Variants in ITGAL observed in about 807,000 individuals in gnomAD.
The protein encoded by ITGAL is integrin alpha-L.
A neutral mutation model predicts 138.4 loss-of-function variants in ITGAL; 68 were observed. The ratio of observed to expected loss-of-function variants is 0.49; its 90% CI spans 0.40 to 0.60. The LOEUF is 0.60. Among genes scored for constraint, ITGAL ranks in the 20% least tolerant of loss-of-function variants. ITGAL has a pLI of 0.00. For synonymous variants in ITGAL, 561 were observed against 584.3 expected, an observed-to-expected ratio of 0.96 and a Z score of 0.57; for missense variants, 1,256 against 1,478.6, an observed-to-expected ratio of 0.85 and a Z score of 2.47.
intron 5 of ITGAL, 26 bp from the exon 6 acceptor site, chr16:30,479,305 G>A (rs960108963): frequency 6.2e-7 from 1 of 1,613,560 alleles, no homozygotes; most frequent in Non-Finnish European, 8.5e-7. Flanking sequence ...ATGCTTCACT[G>A]GGTCCCTTGC....
Position 30,494,729 on chromosome 16 carries a change from G to T in ITGAL, c.1382G>T (p.Gly461Val). The T allele has an allele frequency of 6.2e-7, 1 of 1,610,702 alleles. No homozygotes were observed. Among genetic ancestry groups the T allele is most frequent in the Non-Finnish European group, 8.5e-7 (1 of 1,178,424 alleles). ...IHGTQIGSYF[G>V]GELCGVDVDQ... ...TCCCCACAGATTGGCTCTTATTTCG[G>T]TGGGGAGCTGTGTGGCGTCGACGTG... The change falls in exon 13 of 31, where the codon GGT becomes GTT. Residue 461 changes from glycine to valine, a missense_variant. Gly to Val is a moderately radical substitution (Grantham distance 109). Coordinates refer to ENST00000356798, the MANE Select transcript of ITGAL (RefSeq NM_002209.3). This position sits in a 1 kb window ranked among gnomAD's most constrained non-coding sequence, Gnocchi z 4.2.
intron 17 of ITGAL, among the ~76,000 whole-genome samples, chr16:30,500,221 G>T (rs2151162128): frequency 6.6e-6 from 1 of 151,534 alleles, no homozygotes; most frequent in African/African-American, 2.4e-5. Flanking sequence ...GAGTAGCTGG[G>T]ATTACAGGTG....
rs774082465 is a variant in ITGAL, at chr16:30,496,142, C to T, written c.1549C>T (p.Pro517Ser). The T allele has an allele frequency of 8.1e-6, 13 of 1,614,026 alleles. No homozygotes were observed. Among genetic ancestry groups the T allele is most frequent in the South Asian group, 1.1e-5 (1 of 91,078 alleles). Residue 517 changes from proline to serine, a missense_variant, in exon 14 of 31, where the codon CCA (proline) becomes TCA (serine). Physicochemically the swap from Pro to Ser is moderately conservative, Grantham distance 74. Coordinates refer to ENST00000356798, the MANE Select transcript of ITGAL (RefSeq NM_002209.3). ...VSELQGDPGY[P>S]LGRFGEAITA... Reference sequence around the variant, plus strand: ...AGAGCTGCAGGGGGACCCCGGCTACCCACTCGGGCGGTTTGGAGAAGCCAT... The same window carrying T: ...AGAGCTGCAGGGGGACCCCGGCTACTCACTCGGGCGGTTTGGAGAAGCCAT...
chr16:30,515,731 G>A (rs1192175224), intron 25 of ITGAL, among the ~76,000 whole-genome samples: 1 of 152,074 alleles, frequency 6.6e-6, no homozygotes, highest in Non-Finnish European at 1.5e-5. Flanking sequence ...CAGCACTTTG[G>A]GAGGCCCAGG....
At chr16:30,479,648 C>CTTTTT (rs59770529) in intron 6 of ITGAL, among the ~76,000 whole-genome samples, 187 bp downstream of exon 6, 40 of 72,862 alleles carry the variant, frequency 5.5e-4, no homozygotes, top group African/African-American at 1.7e-3. Context: ...TTCTCATTTC[C>CTTTTT]TTTTTTTTTT....
intron 17 of ITGAL, among the ~76,000 whole-genome samples, chr16:30,501,419 T>C (rs893051843): frequency 1.3e-5 from 2 of 151,364 alleles, no homozygotes; most frequent in Non-Finnish European, 2.9e-5. Flanking sequence ...CTACTAAAAA[T>C]GTACAAAATT....
chr16:30,483,975 C>T lies in ITGAL; in HGVS notation c.855+16C>T. The T allele has an allele frequency of 6.2e-7, 1 of 1,606,660 alleles. No homozygotes were observed. The highest frequency in any genetic ancestry group is 8.5e-7 in the Non-Finnish European group (1 of 1,173,964). On this transcript the variant is annotated intron_variant, in intron 8 of 30. Coordinates refer to ENST00000356798, the MANE Select transcript of ITGAL (RefSeq NM_002209.3). ...CATCATCGGGGTAGGGCCCCTGCTG[C>T]TTCCTGCATCATATCTTCCCTCTCC...
Position 30,518,657 on chromosome 16 carries a change from T to A in ITGAL, c.3166T>A (p.Ser1056Thr). 6.2e-7 allele frequency: 1 copy of A among 1,613,968 alleles called. No individual in the cohort carries two copies. Among genetic ancestry groups the A allele is most frequent in the South Asian group, 1.1e-5 (1 of 91,074 alleles). The stretch of plus-strand genomic sequence containing the variant: ...CATGTTCAGCCTCTGCAGCTCCCTC[T>A]CCATCTCCTTCAACAGCAGCAAGCA... ...SSMFSLCSSL[S>T]ISFNSSKHFH... Residue 1056 changes from serine to threonine, a missense_variant, in exon 29 of 31, where the codon TCC becomes ACC. Ser to Thr is a moderately conservative substitution (Grantham distance 58, BLOSUM62 1). This residue lies in a region of ITGAL where 867 missense variants were observed against 972.5 expected (regional missense o/e 0.89). Transcript: ENST00000356798.
In ITGAL at chr16:30,494,591, T is replaced by C. The variant is rs2050773842; in HGVS notation, c.1366-122T>C. 19 of 1,273,226 alleles carry C rather than the reference T, an allele frequency of 1.5e-5. No homozygotes were observed. The highest frequency in any genetic ancestry group is 2.8e-5 in the Admixed American group (1 of 36,142). The allele number at this position is 1,273,226 out of a possible 1,614,324, so 78.9% of individuals were successfully genotyped here. A position where few individuals can be genotyped will look rare whatever the true frequency, so the allele number is the denominator to read the frequency against. ...TGTCTTAACGCACATAGACTAGGGG[T>C]GGATCCAAGATTGGAACCTGCATTT... On this transcript the variant is annotated intron_variant, in intron 12 of 30. Coordinates refer to ENST00000356798, the MANE Select transcript of ITGAL (RefSeq NM_002209.3). This position sits in a 1 kb window ranked among gnomAD's most constrained non-coding sequence, Gnocchi z 4.2.
At chr16:30,511,187 C>A in intron 24 of ITGAL, 51 bp downstream of exon 24, 2 of 1,410,822 alleles carry the variant, frequency 1.4e-6, no homozygotes, top group Non-Finnish European at 2.0e-6. Flanking sequence ...CGCAGCCTCC[C>A]AACCCAGGGC....
rs1025061738 is a variant in ITGAL at position 30,510,414 on chromosome 16, T to C, written c.2562T>C (p.Leu854=). 6 of 1,613,590 alleles carry C rather than the reference T, an allele frequency of 3.7e-6. No homozygotes were observed. The change falls in exon 22 of 31, where the codon CTT becomes CTC. Residue 854 remains leucine (L), a synonymous_variant. Coordinates refer to ENST00000356798, the MANE Select transcript of ITGAL (RefSeq NM_002209.3). ...SCEELPEESR[L]LSRALSCNVS... ...AGGAGCTTCCTGAAGAGTCCAGGCT[T>C]CTGTCCAGGGCATTATCTTGCAATG...
intron 30 of ITGAL, 78 bp from the exon 31 acceptor site, chr16:30,521,414 A>T: frequency 2.2e-6 from 3 of 1,388,982 alleles, no homozygotes; most frequent in Non-Finnish European, 3.0e-6. Flanking sequence ...CTCAAAAAAA[A>T]AAAAAGTGTT....
Position 30,479,193 on chromosome 16 carries a change from C to G in ITGAL, c.430C>G (p.Arg144Gly), listed in dbSNP as rs146416180. 1 of 1,613,940 alleles carries G rather than the reference C, an allele frequency of 6.2e-7. No individual in the cohort carries two copies. Among genetic ancestry groups the G allele is most frequent in the Non-Finnish European group, 8.5e-7 (1 of 1,179,934 alleles). The change falls in exon 5 of 31, where the codon CGC becomes GGC. Residue 144 changes from arginine to glycine, a missense_variant. This residue lies in a region of ITGAL where 212 missense variants were observed against 217.4 expected (regional missense o/e 0.98). Coordinates refer to ENST00000356798, the MANE Select transcript of ITGAL (RefSeq NM_002209.3). ...QNLQGPMLQG[R>G]PGFQECIKGN... Reference sequence around the variant, plus strand: ...TCTGCAGGGTCCCATGCTGCAGGGGCGCCCTGGTTTTCAGGGTAAGGAACT... The same window carrying G: ...TCTGCAGGGTCCCATGCTGCAGGGGGGCCCTGGTTTTCAGGGTAAGGAACT...
chr16:30,499,274 C>T, intron 16 of ITGAL, 40 bp downstream of exon 16: 1 of 1,612,986 alleles, frequency 6.2e-7, no homozygotes, highest in South Asian at 1.1e-5. Context: ...GCTGCCGCCC[C>T]AAATCCAGGC....
chr16:30,512,493 A>G (rs2051104268), intron 24 of ITGAL, among the ~76,000 whole-genome samples: 1 of 151,268 alleles, frequency 6.6e-6, no homozygotes, highest in Non-Finnish European at 1.5e-5. Flanking sequence ...AGGCTGAGGC[A>G]GGACAATTGC....
In ITGAL at chr16:30,499,135, C is replaced by T. The variant is rs1265127306; in HGVS notation, c.1894C>T (p.His632Tyr). 1 of 1,614,024 alleles carries T rather than the reference C, an allele frequency of 6.2e-7. No homozygotes were observed. Among genetic ancestry groups the T allele is most frequent in the Admixed American group, 1.7e-5 (1 of 59,978 alleles). ...MSFSPAEIPV[H>Y]EVECSYSTSN... ...CTTCTCTCCAGCTGAGATCCCAGTG[C>T]ATGAAGTGGAGTGCTCCTATTCAAC... Residue 632 changes from histidine to tyrosine, a missense_variant, in exon 16 of 31, where the codon CAT (histidine) becomes TAT (tyrosine). Physicochemically the swap from His to Tyr is moderately conservative, Grantham distance 83. Transcript: ENST00000356798.
chr16:30,479,118 T>G lies in ITGAL; in HGVS notation c.355T>G (p.Cys119Gly). 1 of 1,614,072 alleles carries G rather than the reference T, an allele frequency of 6.2e-7. No individual in the cohort carries two copies. The highest frequency in any genetic ancestry group is 1.1e-5 in the South Asian group (1 of 91,078). Reference protein sequence around the residue: ...LACDPGLSRTCDQNTYLSGLC... With the variant: ...LACDPGLSRTGDQNTYLSGLC... Reference sequence around the variant, plus strand: ...CTGTGACCCTGGGCTGTCTCGAACGTGTGACCAGAACACCTATCTGAGTGG... The same window carrying G: ...CTGTGACCCTGGGCTGTCTCGAACGGGTGACCAGAACACCTATCTGAGTGG... Residue 119 changes from cysteine (C) to glycine (G), a missense_variant, in exon 5 of 31, where the codon TGT becomes GGT. Cys to Gly is a radical substitution (Grantham distance 159, BLOSUM62 -3). Coordinates refer to ENST00000356798, the MANE Select transcript of ITGAL (RefSeq NM_002209.3).
intron 1 of ITGAL, chr16:30,473,912 G>C (rs751011936): frequency 2.3e-5 from 13 of 570,776 alleles, no homozygotes; most frequent in African/African-American, 3.7e-5. Context: ...GGGGCCCCTT[G>C]GGTCTGCTCC....
At chr16:30,502,286 A>G (rs1435790426) in intron 17 of ITGAL, among the ~76,000 whole-genome samples, 1 of 150,216 alleles carries the variant, frequency 6.7e-6, no homozygotes, top group African/African-American at 2.4e-5. Context: ...AGTCCCAGCT[A>G]CTTGGGAGGC....
Sources: allele counts gnomAD v4.1 joint callset (sites outside exome capture counted in the v4.1 genomes callset), GRCh38; gene constraint gnomAD v4.1.1; regional missense constraint gnomAD v4.1.1; non-coding constraint Gnocchi (gnomAD v3.1); transcripts MANE v1.5; gene names NCBI Gene and HGNC (gene_info 2026-07-23, HGNC 2026-07-21).